Variants in FNDC3B observed in about 807,000 individuals in gnomAD.
FNDC3B encodes the protein fibronectin type III domain-containing protein 3B.
FNDC3B carries 12 observed loss-of-function variants against 151.5 expected under a neutral mutation model. The ratio of observed to expected loss-of-function variants is 0.08; its 90% confidence interval spans 0.05 to 0.13. FNDC3B has a LOEUF of 0.13. Among genes scored for constraint, FNDC3B ranks in the 10% least tolerant of loss-of-function variants. The pLI is 1.00. For synonymous variants in FNDC3B, 528 were observed against 549.0 expected (o/e 0.96, Z 0.54); for missense variants, 1,214 against 1,505.3 (o/e 0.81, Z 3.20).
chr3:172,060,122 C>T (rs901315097), intron 1 of FNDC3B, among the ~76,000 whole-genome samples: 1 of 152,164 alleles, frequency 6.6e-6, no homozygotes, highest in Admixed American at 6.5e-5. Context: ...TTGTTTCCCT[C>T]CCGAAGAGAG....
chr3:172,129,692 C>T (rs1000048947), intron 2 of FNDC3B, among the ~76,000 whole-genome samples: 14 of 152,116 alleles, frequency 9.2e-5, no homozygotes, highest in Non-Finnish European at 1.8e-4. Context: ...GTAACACTAA[C>T]GGTTTTGAAA....
intron 25 of FNDC3B, among the ~76,000 whole-genome samples, chr3:172,393,371 A>G (rs555224547): frequency 1.4e-4 from 21 of 152,360 alleles, no homozygotes; most frequent in African/African-American, 4.6e-4. Flanking sequence ...ACCTAAATAC[A>G]TAAAATATTG....
chr3:172,308,497 A>T (rs1731305713), intron 10 of FNDC3B, among the ~76,000 whole-genome samples: 1 of 152,246 alleles, frequency 6.6e-6, no homozygotes, highest in African/African-American at 2.4e-5. Context: ...ATCCATTATT[A>T]GTGAAGAAAT....
intron 3 of FNDC3B, among the ~76,000 whole-genome samples, chr3:172,173,790 T>C (rs1423895904): frequency 7.0e-6 from 1 of 143,556 alleles, no homozygotes; most frequent in African/African-American, 2.5e-5. Context: ...ACTGTGTTCC[T>C]GCTTGGGCAA....
intron 23 of FNDC3B, 130 bp from the exon 24 acceptor site, chr3:172,378,140 A>T: frequency 1.5e-6 from 1 of 656,162 alleles, no homozygotes; most frequent in Non-Finnish European, 2.5e-6. Context: ...CAACTGGCTG[A>T]TTATTAATTC....
chr3:172,366,985 C>G (rs935744597), intron 23 of FNDC3B, among the ~76,000 whole-genome samples: 3 of 152,178 alleles, frequency 2.0e-5, no homozygotes, highest in Non-Finnish European at 2.9e-5. Context: ...GGGCATGTTT[C>G]ATGTAAATAA....
chr3:172,054,196 G>A (rs907275943), intron 1 of FNDC3B, among the ~76,000 whole-genome samples: 1 of 152,196 alleles, frequency 6.6e-6, no homozygotes, highest in African/African-American at 2.4e-5. Context: ...TTTAGGTGGT[G>A]TAGGTTGTAC....
intron 7 of FNDC3B, among the ~76,000 whole-genome samples, chr3:172,293,947 C>G (rs1730464829): frequency 6.6e-6 from 1 of 152,222 alleles, no homozygotes; most frequent in Non-Finnish European, 1.5e-5. Context: ...TCTCCATCTA[C>G]AGCCTAATAA....
At chr3:172,273,930 T>C (rs1729321281) in intron 6 of FNDC3B, among the ~76,000 whole-genome samples, 1 of 152,190 alleles carries the variant, frequency 6.6e-6, no homozygotes, top group Admixed American at 6.5e-5. Flanking sequence ...TGGTCTGAGA[T>C]AGTCTCTGTT....
At chr3:172,208,408 C>G (rs932108199) in intron 3 of FNDC3B, among the ~76,000 whole-genome samples, 2 of 152,174 alleles carry the variant, frequency 1.3e-5, no homozygotes, top group Non-Finnish European at 2.9e-5. Flanking sequence ...ATATAGCCTT[C>G]TCCCAGAGGT....
Position 172,239,853 on chromosome 3 carries a change from GTTCTTTTTTTTTTTT to G in FNDC3B, c.265-7677_265-7663del, listed in dbSNP as rs1349669211. On this transcript the variant is annotated intron_variant, in intron 4 of 25. Transcript: ENST00000415807. ...AAATGTTTTTAGGAGATCCATTTTAGTTCTTTTTTTTTTTTTTTTTTTTTTTTTTTTTTGGGATGG... is the reference window on the plus strand; with the variant it reads ...AAATGTTTTTAGGAGATCCATTTTAGTTTTTTTTTTTTTTTTTTGGGATGG... 2.0e-4 allele frequency among the ~76,000 whole-genome samples: 13 copies of G among 65,878 alleles called. 1 individual carries two copies. The highest frequency in any genetic ancestry group is 7.3e-4 in the African/African-American group (13 of 17,696). The allele number at this position is 65,878 out of a possible 152,430, so 43.2% of individuals were successfully genotyped here.
At chr3:172,061,233 C>CTT (rs376260481) in intron 1 of FNDC3B, among the ~76,000 whole-genome samples, 9 of 139,268 alleles carry the variant, frequency 6.5e-5, no homozygotes, top group East Asian at 2.0e-4. Flanking sequence ...CTGCACATTA[C>CTT]TTTTTTTTTT....
At chr3:172,302,018 G>A (rs1459719571) in intron 9 of FNDC3B, 1 of 152,104 alleles carries the variant, frequency 6.6e-6, no homozygotes, top group Non-Finnish European at 1.5e-5. Flanking sequence ...TCTTAATATT[G>A]CAACATTTTG....
chr3:172,299,654 G>C (rs566156523), intron 9 of FNDC3B, among the ~76,000 whole-genome samples: 4 of 150,722 alleles, frequency 2.7e-5, no homozygotes, highest in Non-Finnish European at 5.9e-5. Context: ...CATACATAAA[G>C]ATTGCAGAAT....
At chr3:172,133,623 G>A (rs1266465931) in intron 3 of FNDC3B, 77 bp downstream of exon 3, 5 of 1,007,076 alleles carry the variant, frequency 5.0e-6, no homozygotes, top group African/African-American at 1.6e-5. Flanking sequence ...TTCTGTGTGT[G>A]TCTGCATGTA....
At chr3:172,162,659 GTT>G (rs35538458) in intron 3 of FNDC3B, among the ~76,000 whole-genome samples, 1,770 of 135,060 alleles carry the variant, frequency 0.013, 22 homozygotes, top group African/African-American at 0.038. Flanking sequence ...TTATTACCTG[GTT>G]TTTTTTTTTT....
chr3:172,217,656 TA>T (rs5854464), intron 3 of FNDC3B, among the ~76,000 whole-genome samples: 112,627 of 150,966 alleles, frequency 0.75, 42,889 homozygotes, highest in Middle Eastern at 0.89. Flanking sequence ...GTTTTTTTTT[TA>T]AAACCATTTA....
chr3:172,304,593 G>A (rs1278917376), intron 9 of FNDC3B, among the ~76,000 whole-genome samples: 1 of 152,186 alleles, frequency 6.6e-6, no homozygotes, highest in Non-Finnish European at 1.5e-5. Context: ...ATTACTACAG[G>A]GCAGGAAAGA....
At chr3:172,178,418 T>C (rs969026078) in intron 3 of FNDC3B, among the ~76,000 whole-genome samples, 5 of 152,088 alleles carry the variant, frequency 3.3e-5, no homozygotes, top group African/African-American at 1.2e-4. Flanking sequence ...ATTGACTTTG[T>C]CAAGCAAGAG....
Sources: gnomAD v4.1 joint callset for allele counts (sites outside exome capture counted in the v4.1 genomes callset) on GRCh38, gnomAD v4.1.1 for gene constraint, MANE v1.5 for transcripts, NCBI Gene and HGNC (gene_info 2026-07-23, HGNC 2026-07-21) for gene names.